The following LRRC26 variants were observed in gnomAD, a reference collection of about 807,000 sequenced individuals.
LRRC26 encodes leucine rich repeat containing 26, also known as leucine-rich repeat-containing protein 26.
LRRC26 carries 17 observed loss-of-function variants against 15.3 expected under a neutral mutation model. That is an observed-to-expected ratio of 1.11 (90% confidence interval 0.76 to 1.66). The LOEUF (loss-of-function observed/expected upper bound fraction) is 1.66. Ranked by LOEUF, LRRC26 falls within the 40% of genes most tolerant of loss-of-function variation. The pLI is 0.00. For synonymous variants in LRRC26, 301 were observed against 272.1 expected, an observed-to-expected ratio of 1.11 and a Z score of -1.05; for missense variants, 573 against 501.0, an observed-to-expected ratio of 1.14 and a Z score of -1.37.
In LRRC26 at chr9:137,169,134, A is replaced by G. The variant is rs1834025694; in HGVS notation, c.725T>C (p.Leu242Pro). 5.1e-6 allele frequency: 8 copies of G among 1,556,094 alleles called. No individual in the cohort carries two copies. In the East Asian group the frequency reaches 2.1e-4, roughly 40 times the overall value. The stretch of plus-strand genomic sequence containing the variant: ...AAAGGCGGCGTCGGAAAAGGCAGTC[A>G]GGGGGCTGAGCGTCAGGCGTCCCGG... ...VWPGRLTLSP[L>P]TAFSDAAFSH... Residue 242 changes from leucine (L) to proline (P), a missense_variant, in exon 2 of 2, where the codon CTG (leucine) becomes CCG (proline). Physicochemically the swap from Leu to Pro is moderately conservative, Grantham distance 98. Coordinates refer to ENST00000371542, the MANE Select transcript of LRRC26 (RefSeq NM_001013653.3).
chr9:137,169,450 G>A lies in LRRC26; in HGVS notation c.494C>T (p.Ala165Val), dbSNP rs1411500758. ...LARLEPAALGALPLLRSLSLQ... is the reference protein window; with the variant it reads ...LARLEPAALGVLPLLRSLSLQ... ...GCTGAGTGAGCGCAGCAGCGGGAGCGCGCCTAGCGCCGCGGGCTCCAGGCG... is the reference window on the plus strand; with the variant it reads ...GCTGAGTGAGCGCAGCAGCGGGAGCACGCCTAGCGCCGCGGGCTCCAGGCG... Residue 165 changes from alanine (A) to valine (V), a missense_variant, in exon 1 of 2, where the codon GCG becomes GTG. By Grantham distance (64) the Ala-to-Val change is moderately conservative (BLOSUM62 0). Coordinates refer to ENST00000371542, the MANE Select transcript of LRRC26 (RefSeq NM_001013653.3). 2.0e-6 allele frequency: 3 copies of A among 1,512,518 alleles called. No individual in the cohort carries two copies. The African/African-American group carries it at 4.3e-5, about 22-fold the overall frequency. 93.7% of individuals were successfully genotyped at this position (1,512,518 alleles called of 1,614,324 possible). A position where few individuals can be genotyped will look rare whatever the true frequency, so the allele number is the denominator to read the frequency against.
At position 137,169,731 on chromosome 9, in the gene LRRC26, C is replaced by A. The variant is rs1834050300; in HGVS notation, c.213G>T (p.Leu71=). The change falls in exon 1 of 2, where the codon CTG becomes CTT. Residue 71 remains leucine, a synonymous_variant. Coordinates refer to ENST00000371542, the MANE Select transcript of LRRC26 (RefSeq NM_001013653.3). The part of the protein sequence containing the change: ...SLPAVPPGLS[L]RLRALLLDHN... ...GGTCCAGCAGCAGCGCGCGCAGGCG[C>A]AGGCTCAGGCCCGGGGGCACGGCGG... is the stretch of plus-strand genomic sequence containing the variant. 5 of 1,451,518 alleles carry A rather than the reference C, an allele frequency of 3.4e-6. No homozygotes were observed. The highest frequency in any genetic ancestry group is 4.5e-6 in the Non-Finnish European group (5 of 1,111,258). 89.9% of individuals were successfully genotyped at this position (1,451,518 alleles called of 1,614,324 possible).
chr9:137,169,875 A>G lies in LRRC26; in HGVS notation c.69T>C (p.Pro23=). Residue 23 remains proline, a synonymous_variant, in exon 1 of 2, where the codon CCT becomes CCC. Coordinates refer to ENST00000371542, the MANE Select transcript of LRRC26 (RefSeq NM_001013653.3). ...CCGTGGCCGACACCTGGGCCCAGACAGGCCAAGGCGACAGCAGCAGCAACA... is the reference window on the plus strand; with the variant it reads ...CCGTGGCCGACACCTGGGCCCAGACGGGCCAAGGCGACAGCAGCAGCAACA... ...LLLLLLLSPW[P]VWAQVSATAS... The G allele has an allele frequency of 6.8e-7, 1 of 1,481,180 alleles. No individual in the cohort carries two copies. 91.8% of individuals were successfully genotyped at this position (1,481,180 alleles called of 1,614,324 possible).
rs1366240303 is a variant in LRRC26, at chr9:137,168,941, T to C, written c.918A>G (p.Arg306=). 9 of 1,383,804 alleles carry C rather than the reference T, an allele frequency of 6.5e-6. No homozygotes were observed. Among genetic ancestry groups the C allele is most frequent in the Non-Finnish European group, 8.4e-6 (9 of 1,076,762 alleles). The allele number at this position is 1,383,804 out of a possible 1,614,324, so 85.7% of individuals were successfully genotyped here. A position where few individuals can be genotyped will look rare whatever the true frequency, so the allele number is the denominator to read the frequency against. Residue 306 remains arginine (R), a synonymous_variant, in exon 2 of 2, where the codon AGA becomes AGG. Coordinates refer to ENST00000371542, the MANE Select transcript of LRRC26 (RefSeq NM_001013653.3). ...CGGGATCGGGGTTCGGGTCTGGCGGTCTCGGCGGGCGGAGGGCGGCGGTGC... is the reference window on the plus strand; with the variant it reads ...CGGGATCGGGGTTCGGGTCTGGCGGCCTCGGCGGGCGGAGGGCGGCGGTGC... ...RLRTAALRPP[R]PPDPNPDPDP...
rs951541472 is a variant in LRRC26, at chr9:137,168,763, G to C, written c.*91C>G. On this transcript the variant is annotated 3_prime_UTR_variant, in exon 2 of 2. Transcript: ENST00000371542. Reference sequence around the variant, plus strand: ...CCTAAAGGAATGTCACGCAGTTTTCGGTCTGTGTCGCTTGTTGACGCCGGC... The same window carrying C: ...CCTAAAGGAATGTCACGCAGTTTTCCGTCTGTGTCGCTTGTTGACGCCGGC... 1.4e-5 allele frequency: 14 copies of C among 978,136 alleles called. No individual in the cohort carries two copies. Among genetic ancestry groups the C allele is most frequent in the Admixed American group, 4.5e-5 (1 of 22,252 alleles). 60.6% of individuals were successfully genotyped at this position (978,136 alleles called of 1,614,324 possible). A position where few individuals can be genotyped will look rare whatever the true frequency, so the allele number is the denominator to read the frequency against.
At position 137,169,156 on chromosome 9, in the gene LRRC26, C is replaced by A. The variant is rs769135102; in HGVS notation, c.703G>T (p.Gly235Ter). The stretch of plus-strand genomic sequence containing the variant: ...GTCAGGGGGCTGAGCGTCAGGCGTC[C>A]CGGCCACACGCAGAGCACCGTCTCG... The part of the protein sequence containing the change: ...EAETVLCVWP[G>*]RLTLSPLTAF... The change falls in exon 2 of 2, where the codon GGA (glycine) becomes TGA (stop). Residue 235 changes from glycine (G) to a stop codon, truncating the protein, a stop_gained. Coordinates refer to ENST00000371542, the MANE Select transcript of LRRC26 (RefSeq NM_001013653.3). LOFTEE classifies it low-confidence loss of function (END_TRUNC). 29 of 1,531,398 alleles carry A rather than the reference C, an allele frequency of 1.9e-5. No homozygotes were observed. Among genetic ancestry groups the A allele is most frequent in the Non-Finnish European group, 2.4e-5 (27 of 1,146,164 alleles). 94.9% of individuals were successfully genotyped at this position (1,531,398 alleles called of 1,614,324 possible).
At position 137,169,744 on chromosome 9, in the gene LRRC26, G is replaced by A. The variant is rs1292371884; in HGVS notation, c.200C>T (p.Pro67Leu). The A allele has an allele frequency of 7.1e-7, 1 of 1,414,752 alleles. No homozygotes were observed. Among genetic ancestry groups the A allele is most frequent in the Non-Finnish European group, 9.1e-7 (1 of 1,095,296 alleles). The allele number at this position is 1,414,752 out of a possible 1,614,324, so 87.6% of individuals were successfully genotyped here. A position where few individuals can be genotyped will look rare whatever the true frequency, so the allele number is the denominator to read the frequency against. The change falls in exon 1 of 2, where the codon CCG becomes CTG. Residue 67 changes from proline to leucine, a missense_variant. By Grantham distance (98) the Pro-to-Leu change is moderately conservative. Transcript: ENST00000371542. ...CGCGCGCAGGCGCAGGCTCAGGCCC[G>A]GGGGCACGGCGGGCAGCGAGAGTGC... ...CSALSLPAVP[P>L]GLSLRLRALL...
Position 137,169,368 on chromosome 9 carries a change from A to G in LRRC26, c.576T>C (p.Ala192=). The part of the protein sequence containing the change: ...LAPGLLGRLP[A]LDALHLRGNP... ...TGCCGCGCAGGTGCAGCGCGTCTAG[A>G]GCGGGCAGGCGGCCCAGCAGCCCCG... The change falls in exon 1 of 2, where the codon GCT becomes GCC. Residue 192 remains alanine (A), a synonymous_variant. Coordinates refer to ENST00000371542, the MANE Select transcript of LRRC26 (RefSeq NM_001013653.3). The G allele has an allele frequency of 4.7e-6, 7 of 1,482,930 alleles. No individual in the cohort carries two copies. The highest frequency in any genetic ancestry group is 6.2e-6 in the Non-Finnish European group (7 of 1,125,830). The allele number at this position is 1,482,930 out of a possible 1,614,324, so 91.9% of individuals were successfully genotyped here. A position where few individuals can be genotyped will look rare whatever the true frequency, so the allele number is the denominator to read the frequency against.
In LRRC26 at chr9:137,169,335, C is replaced by T. The variant is rs1834033422; in HGVS notation, c.609G>A (p.Trp203Ter). ...LDALHLRGNP[W>*]GCGCALRPLC... ...GCGGGCGCAGCGCGCACCCGCAGCC[C>T]CAAGGGTTGCCGCGCAGGTGCAGCG... Residue 203 changes from tryptophan to a stop codon, truncating the protein, a stop_gained, in exon 1 of 2, where the codon TGG (tryptophan) becomes TGA (stop). Coordinates refer to ENST00000371542, the MANE Select transcript of LRRC26 (RefSeq NM_001013653.3). LOFTEE classifies it high-confidence loss of function. The T allele has an allele frequency of 2.1e-6, 3 of 1,457,348 alleles. No individual in the cohort carries two copies. Among genetic ancestry groups the T allele is most frequent in the Non-Finnish European group, 2.7e-6 (3 of 1,114,162 alleles). The allele number at this position is 1,457,348 out of a possible 1,614,324, so 90.3% of individuals were successfully genotyped here.
In LRRC26 at chr9:137,169,281, C is replaced by T; in HGVS notation, c.663G>A (p.Leu221=). The T allele has an allele frequency of 7.2e-7, 1 of 1,380,336 alleles. No homozygotes were observed. The highest frequency in any genetic ancestry group is 9.3e-7 in the Non-Finnish European group (1 of 1,074,968). 85.5% of individuals were successfully genotyped at this position (1,380,336 alleles called of 1,614,324 possible). A position where few individuals can be genotyped will look rare whatever the true frequency, so the allele number is the denominator to read the frequency against. ...PLCAWLRRHP[L]PASEAETVLC... ...TCCCCAGCAGCTCACCTGACGCGGG[C>T]AGCGGGTGCCGGCGCAGCCAGGCGC... The change falls in exon 1 of 2, where the codon CTG becomes CTA. Residue 221 remains leucine (L), a synonymous_variant. Transcript: ENST00000371542.
At position 137,169,981 on chromosome 9, in the gene LRRC26, G is replaced by A; in HGVS notation, c.-38C>T. ...CCCGCCCCCGGCACCCGCGGTGGGA[G>A]GCCCGCTGCCTGTGCGTCCCTGGAG... On this transcript the variant is annotated 5_prime_UTR_variant, in exon 1 of 2. Transcript: ENST00000371542. The A allele has an allele frequency of 2.2e-6, 3 of 1,387,156 alleles. No individual in the cohort carries two copies. Among genetic ancestry groups the A allele is most frequent in the Non-Finnish European group, 2.8e-6 (3 of 1,081,746 alleles). The allele number at this position is 1,387,156 out of a possible 1,614,324, so 85.9% of individuals were successfully genotyped here. A position where few individuals can be genotyped will look rare whatever the true frequency, so the allele number is the denominator to read the frequency against.
chr9:137,169,092 G>C lies in LRRC26; in HGVS notation c.767C>G (p.Pro256Arg), dbSNP rs1281140549. The C allele has an allele frequency of 2.6e-6, 4 of 1,562,654 alleles. No individual in the cohort carries two copies. Among genetic ancestry groups the C allele is most frequent in the Non-Finnish European group, 3.4e-6 (4 of 1,161,120 alleles). Reference protein sequence around the residue: ...SDAAFSHCAQPLALRDLAVVY... With the variant: ...SDAAFSHCAQRLALRDLAVVY... ...CACGGCCAGGTCCCGCAGGGCGAGC[G>C]GCTGCGCGCAATGGCTAAAGGCGGC... Residue 256 changes from proline (P) to arginine (R), a missense_variant, in exon 2 of 2, where the codon CCG becomes CGG. Coordinates refer to ENST00000371542, the MANE Select transcript of LRRC26 (RefSeq NM_001013653.3).
Position 137,169,571 on chromosome 9 carries a change from C to G in LRRC26, c.373G>C (p.Asp125His). ...GCTTCCAGCTGGTTGGCGCTCAGGT[C>G]CAGCAGCTGCAGCGCGCCCAGGCCC... ...FWGLGALQLL[D>H]LSANQLEALA... Residue 125 changes from aspartate (D) to histidine (H), a missense_variant, in exon 1 of 2, where the codon GAC becomes CAC. Transcript: ENST00000371542. The G allele has an allele frequency of 1.3e-6, 2 of 1,523,786 alleles. No homozygotes were observed. Among genetic ancestry groups the G allele is most frequent in the Non-Finnish European group, 1.8e-6 (2 of 1,141,738 alleles). 94.4% of individuals were successfully genotyped at this position (1,523,786 alleles called of 1,614,324 possible). A position where few individuals can be genotyped will look rare whatever the true frequency, so the allele number is the denominator to read the frequency against.
chr9:137,168,935 T>C lies in LRRC26; in HGVS notation c.924A>G (p.Pro308=). Residue 308 remains proline, a synonymous_variant, in exon 2 of 2, where the codon CCA becomes CCG. Transcript: ENST00000371542. ...GGGGGTCGGGATCGGGGTTCGGGTCTGGCGGTCTCGGCGGGCGGAGGGCGG... is the reference window on the plus strand; with the variant it reads ...GGGGGTCGGGATCGGGGTTCGGGTCCGGCGGTCTCGGCGGGCGGAGGGCGG... ...RTAALRPPRP[P]DPNPDPDPHG... 1 of 1,387,844 alleles carries C rather than the reference T, an allele frequency of 7.2e-7. No individual in the cohort carries two copies. Among genetic ancestry groups the C allele is most frequent in the Non-Finnish European group, 9.3e-7 (1 of 1,078,836 alleles). 86.0% of individuals were successfully genotyped at this position (1,387,844 alleles called of 1,614,324 possible).
Position 137,169,749 on chromosome 9 carries a change from C to A in LRRC26, c.195G>T (p.Val65=). ...ASCSALSLPA[V]PPGLSLRLRA... is the part of the protein sequence containing the mutation. ...GCAGGCGCAGGCTCAGGCCCGGGGG[C>A]ACGGCGGGCAGCGAGAGTGCCGAGC... The change falls in exon 1 of 2, where the codon GTG becomes GTT. Residue 65 remains valine, a synonymous_variant. Transcript: ENST00000371542. 7.1e-7 allele frequency: 1 copy of A among 1,406,806 alleles called. No individual in the cohort carries two copies. The allele number at this position is 1,406,806 out of a possible 1,614,324, so 87.1% of individuals were successfully genotyped here. A position where few individuals can be genotyped will look rare whatever the true frequency, so the allele number is the denominator to read the frequency against.
In LRRC26 at chr9:137,169,611, A is replaced by G. The variant is rs754829425; in HGVS notation, c.333T>C (p.His111=). ...DLRENGLHSV[H]VRAFWGLGAL... Reference sequence around the variant, plus strand: ...CGCCCAGGCCCCAGAAGGCTCGCACATGCACCGAGTGCAGCCCGTTCTCGC... The same window carrying G: ...CGCCCAGGCCCCAGAAGGCTCGCACGTGCACCGAGTGCAGCCCGTTCTCGC... Residue 111 remains histidine, a synonymous_variant, in exon 1 of 2, where the codon CAT becomes CAC. Transcript: ENST00000371542. The G allele has an allele frequency of 1.3e-4, 198 of 1,520,414 alleles. No individual in the cohort carries two copies. Among genetic ancestry groups the G allele is most frequent in the Non-Finnish European group, 1.7e-4 (197 of 1,140,442 alleles). 94.2% of individuals were successfully genotyped at this position (1,520,414 alleles called of 1,614,324 possible). A position where few individuals can be genotyped will look rare whatever the true frequency, so the allele number is the denominator to read the frequency against.
chr9:137,168,961 C>T lies in LRRC26; in HGVS notation c.898G>A (p.Ala300Thr), dbSNP rs759739818. Residue 300 changes from alanine to threonine, a missense_variant, in exon 2 of 2, where the codon GCC becomes ACC. By Grantham distance (58) the Ala-to-Thr change is moderately conservative. Coordinates refer to ENST00000371542, the MANE Select transcript of LRRC26 (RefSeq NM_001013653.3). Reference protein sequence around the residue: ...CRARRRRLRTAALRPPRPPDP... With the variant: ...CRARRRRLRTTALRPPRPPDP... ...GGCGGTCTCGGCGGGCGGAGGGCGG[C>T]GGTGCGGAGGCGGCGGCGGCGCGCA... 27 of 1,402,024 alleles carry T rather than the reference C, an allele frequency of 1.9e-5. No homozygotes were observed. The East Asian group carries it at 7.9e-4, about 41-fold the overall frequency. The allele number at this position is 1,402,024 out of a possible 1,614,324, so 86.8% of individuals were successfully genotyped here. A position where few individuals can be genotyped will look rare whatever the true frequency, so the allele number is the denominator to read the frequency against.
In LRRC26 at chr9:137,169,037, G is replaced by C; in HGVS notation, c.822C>G (p.Leu274=). Residue 274 remains leucine (L), a synonymous_variant, in exon 2 of 2, where the codon CTC becomes CTG. Coordinates refer to ENST00000371542, the MANE Select transcript of LRRC26 (RefSeq NM_001013653.3). Reference sequence around the variant, plus strand: ...GCGCCAGGCAGGAAGCCAGGCTGACGAGGAAGGAGGCCGGCCCGAGCGTGT... The same window carrying C: ...GCGCCAGGCAGGAAGCCAGGCTGACCAGGAAGGAGGCCGGCCCGAGCGTGT... The part of the protein sequence containing the change: ...VVYTLGPASF[L]VSLASCLALG... 3.3e-6 allele frequency: 5 copies of C among 1,533,738 alleles called. No homozygotes were observed. The highest frequency in any genetic ancestry group is 4.4e-6 in the Non-Finnish European group (5 of 1,147,452).
In LRRC26 at chr9:137,169,838, C is replaced by G. The variant is rs747824131; in HGVS notation, c.106G>C (p.Gly36Arg). The change falls in exon 1 of 2, where the codon GGG (glycine) becomes CGG (arginine). Residue 36 changes from glycine to arginine, a missense_variant. Coordinates refer to ENST00000371542, the MANE Select transcript of LRRC26 (RefSeq NM_001013653.3). ...AQVSATASPSGSLGAPDCPEV... is the reference protein window; with the variant it reads ...AQVSATASPSRSLGAPDCPEV... ...GGGCAGTCCGGGGCGCCCAGGGACC[C>G]CGAGGGCGAGGCCGTGGCCGACACC... 1 of 1,460,230 alleles carries G rather than the reference C, an allele frequency of 6.8e-7. No homozygotes were observed. Among genetic ancestry groups the G allele is most frequent in the Non-Finnish European group, 9.0e-7 (1 of 1,117,150 alleles). 90.5% of individuals were successfully genotyped at this position (1,460,230 alleles called of 1,614,324 possible).
Sources: allele counts gnomAD v4.1 joint callset, GRCh38; gene constraint gnomAD v4.1.1; transcripts MANE v1.5; gene names NCBI Gene and HGNC (gene_info 2026-07-23, HGNC 2026-07-21).